The following AVL9 variants were observed in gnomAD, a reference collection of about 807,000 sequenced individuals.
The protein encoded by AVL9 is AVL9 cell migration associated, also known as late secretory pathway protein AVL9 homolog.
A neutral mutation model predicts 79.2 loss-of-function variants in AVL9; 49 were observed. The ratio of observed to expected loss-of-function variants is 0.62; its 90% CI spans 0.49 to 0.79. The LOEUF is 0.79. Ranked by LOEUF, AVL9 falls within the 30% of genes least tolerant of loss-of-function variation. The probability of loss-of-function intolerance (pLI) is 0.00; values close to 1 mark genes in which losing one functional copy is unlikely to be tolerated. For missense variants in AVL9, 682 were observed against 776.8 expected (o/e 0.88, Z 1.45); for synonymous variants, 299 against 280.6 (o/e 1.07, Z -0.65).
chr7:32,544,660 CCTCA>C, intron 2 of AVL9, 30 bp from the exon 3 acceptor site: 2 of 1,447,976 alleles, frequency 1.4e-6, no homozygotes, highest in Non-Finnish European at 9.7e-7. Flanking sequence ...GGGTAATTCA[CCTCA>C]CTATTTACAT....
chr7:32,510,133 TGG>T (rs1339999517), intron 1 of AVL9, among the ~76,000 whole-genome samples: 1 of 146,404 alleles, frequency 6.8e-6, no homozygotes, highest in Non-Finnish European at 1.5e-5. Context: ...TCAGGTCTGG[TGG>T]TGGGAGTCCA....
intron 1 of AVL9, among the ~76,000 whole-genome samples, chr7:32,513,444 C>A (rs890588372): frequency 1.3e-5 from 2 of 152,330 alleles, no homozygotes; most frequent in African/African-American, 4.8e-5. Context: ...CTCCGCAACC[C>A]CTTGTCTTCA....
chr7:32,524,074 C>G (rs564817321), intron 1 of AVL9, among the ~76,000 whole-genome samples: 1 of 150,950 alleles, frequency 6.6e-6, no homozygotes, highest in South Asian at 2.1e-4. Flanking sequence ...GTCTCAAACT[C>G]CTAACTTCAA....
At chr7:32,579,597 A>AT (rs369848943) in intron 13 of AVL9, among the ~76,000 whole-genome samples, 1,817 of 17,506 alleles carry the variant, frequency 0.1, 790 homozygotes, top group East Asian at 0.21. Context: ...ATTATATATT[A>AT]TATATTATAT....
intron 1 of AVL9, among the ~76,000 whole-genome samples, chr7:32,504,062 G>A (rs1787304958): frequency 6.6e-6 from 1 of 152,198 alleles, no homozygotes; most frequent in Non-Finnish European, 1.5e-5. Flanking sequence ...GCTCCCTTTG[G>A]TGGGTGTGAT....
At position 32,564,714 on chromosome 7, in the gene AVL9, T is replaced by C. The variant is rs376784435; in HGVS notation, c.1215+5250T>C. Among the ~76,000 whole-genome samples the C allele has an allele frequency of 1.1e-4, 17 of 152,252 alleles. No individual in the cohort carries two copies. In the East Asian group the frequency reaches 2.1e-3, roughly 19 times the overall value. On this transcript the variant is annotated intron_variant, in intron 10 of 15. Coordinates refer to ENST00000318709, the MANE Select transcript of AVL9 (RefSeq NM_015060.3). ...GCTGTGAATACTAGCTTCTAAAATA[T>C]CCTTCTCAGGAAAGCCTGAGAGCTG...
chr7:32,559,441 A>C lies in AVL9; in HGVS notation c.1192A>C (p.Met398Leu). The change falls in exon 10 of 16, where the codon ATG (methionine) becomes CTG (leucine). Residue 398 changes from methionine to leucine, a missense_variant. By Grantham distance (15) the Met-to-Leu change is conservative (BLOSUM62 2). Transcript: ENST00000318709. ...ISGLEEDQYG[M>L]PLAIFTKGYL... ...GGGTTTGGAAGAGGATCAGTATGGC[A>C]TGCCCCTGGCCATCTTCACAAAGGT... 1 of 1,576,644 alleles carries C rather than the reference A, an allele frequency of 6.3e-7. No homozygotes were observed. Among genetic ancestry groups the C allele is most frequent in the Non-Finnish European group, 8.6e-7 (1 of 1,163,410 alleles).
In AVL9 at chr7:32,533,614, G is replaced by A. The variant is rs909076685; in HGVS notation, c.94-9527G>A. 3.9e-5 allele frequency: 6 copies of A among 152,206 alleles called. 1 individual carries two copies. In the South Asian group the frequency reaches 6.2e-4, roughly 16 times the overall value. 9.4% of individuals were successfully genotyped at this position (152,206 alleles called of 1,614,324 possible). A position where few individuals can be genotyped will look rare whatever the true frequency, so the allele number is the denominator to read the frequency against. On this transcript the variant is annotated intron_variant, in intron 1 of 15. Coordinates refer to ENST00000318709, the MANE Select transcript of AVL9 (RefSeq NM_015060.3). ...CATGTCTGATGCCCAGGGCTTTTTC[G>A]TTTTCTTTTGTTTTAAGCAGAAAAC...
At chr7:32,574,128 T>C (rs1432061380) in intron 12 of AVL9, among the ~76,000 whole-genome samples, 1 of 152,252 alleles carries the variant, frequency 6.6e-6, no homozygotes. Flanking sequence ...ATTATTTTTT[T>C]AATTGTGATG....
At chr7:32,551,953 A>G (rs773452193) in intron 5 of AVL9, among the ~76,000 whole-genome samples, 3 of 152,106 alleles carry the variant, frequency 2.0e-5, no homozygotes, top group African/African-American at 7.2e-5. Context: ...TCATACCACT[A>G]TGTGAATGAA....
At chr7:32,530,650 A>T (rs1481917340) in intron 1 of AVL9, among the ~76,000 whole-genome samples, 2 of 152,258 alleles carry the variant, frequency 1.3e-5, no homozygotes, top group African/African-American at 4.8e-5. Flanking sequence ...AATGTAGTTT[A>T]AAAGAGAATT....
intron 1 of AVL9, among the ~76,000 whole-genome samples, chr7:32,522,096 T>G (rs1165743340): frequency 6.6e-6 from 1 of 152,140 alleles, no homozygotes; most frequent in Non-Finnish European, 1.5e-5. Flanking sequence ...GGGGCCCTCA[T>G]AGAGAACCTC....
intron 15 of AVL9, among the ~76,000 whole-genome samples, chr7:32,581,991 A>G (rs1791532419): frequency 6.6e-6 from 1 of 152,206 alleles, no homozygotes; most frequent in African/African-American, 2.4e-5. Flanking sequence ...GATGAGGCCA[A>G]TATTAGTATC....
chr7:32,529,098 C>G (rs1010267271), intron 1 of AVL9, among the ~76,000 whole-genome samples: 2 of 152,204 alleles, frequency 1.3e-5, no homozygotes, highest in Non-Finnish European at 2.9e-5. Flanking sequence ...CTATTAAAAA[C>G]AGTATTTTGT....
At chr7:32,581,746 T>C (rs12672224) in intron 15 of AVL9, 91,247 of 152,078 alleles carry the variant, frequency 0.6, 28,352 homozygotes, top group Admixed American at 0.7. Flanking sequence ...AGTGGGAGGA[T>C]TGCTTGAGCC....
At chr7:32,542,126 AG>A (rs1291474095) in intron 1 of AVL9, among the ~76,000 whole-genome samples, 1 of 151,336 alleles carries the variant, frequency 6.6e-6, no homozygotes, top group African/African-American at 2.4e-5. Context: ...AGATGGGAGC[AG>A]GGACTGGGTA....
chr7:32,549,145 T>A (rs1583558810), intron 4 of AVL9, among the ~76,000 whole-genome samples: 1 of 151,108 alleles, frequency 6.6e-6, no homozygotes, highest in Non-Finnish European at 1.5e-5. Flanking sequence ...AGTTGACACA[T>A]AAACAAAATG....
At chr7:32,523,547 G>A (rs555087822) in intron 1 of AVL9, among the ~76,000 whole-genome samples, 85 of 105,562 alleles carry the variant, frequency 8.1e-4, no homozygotes, top group African/African-American at 3.0e-3. Context: ...ATGGAATCTC[G>A]CTCCATCTCC....
rs1187144914 is a variant in AVL9, at chr7:32,570,000, A to G, written c.1216-20A>G. On this transcript the variant is annotated intron_variant, in intron 10 of 15. Transcript: ENST00000318709. Reference sequence around the variant, plus strand: ...ACCTTTTACTTTTCTGATATTTTCTATTACTCTTCTAATTCATAGGGATAT... The same window carrying G: ...ACCTTTTACTTTTCTGATATTTTCTGTTACTCTTCTAATTCATAGGGATAT... 2.5e-6 allele frequency: 4 copies of G among 1,612,712 alleles called. No individual in the cohort carries two copies. The highest frequency in any genetic ancestry group is 2.5e-6 in the Non-Finnish European group (3 of 1,179,072).
Sources: allele counts gnomAD v4.1 joint callset (sites outside exome capture counted in the v4.1 genomes callset), GRCh38; gene constraint gnomAD v4.1.1; transcripts MANE v1.5; gene names NCBI Gene and HGNC (gene_info 2026-07-23, HGNC 2026-07-21).